TSHZ2: variants seen among roughly 807,000 people sequenced by gnomAD.
The protein encoded by TSHZ2 is teashirt homolog 2.
Under a neutral mutation model 74.4 loss-of-function variants are expected in TSHZ2, and 21 were observed. The ratio of observed to expected loss-of-function variants is 0.28; its 90% CI spans 0.20 to 0.41. The LOEUF (loss-of-function observed/expected upper bound fraction) is 0.41. Among genes scored for constraint, TSHZ2 ranks in the 10% least tolerant of loss-of-function variants. The pLI is 1.00. For synonymous variants in TSHZ2, 540 were observed against 515.3 expected (o/e 1.05, Z -0.65); for missense variants, 1,244 against 1,293.5 (o/e 0.96, Z 0.59).
At chr20:53,402,580 G>GA (rs987164608) in intron 2 of TSHZ2, among the ~76,000 whole-genome samples, 8 of 152,262 alleles carry the variant, frequency 5.3e-5, no homozygotes, top group East Asian at 1.9e-4. Context: ...TCATTTCTAT[G>GA]AAAAAAAGCA....
intron 1 of TSHZ2, among the ~76,000 whole-genome samples, chr20:52,995,652 G>A (rs148666055): frequency 0.015 from 2,067 of 141,500 alleles, 18 homozygotes; most frequent in Middle Eastern, 0.03. Flanking sequence ...TCGCTCTGTC[G>A]CCCAGGCTGG....
chr20:53,380,529 C>T (rs964559800), intron 2 of TSHZ2, among the ~76,000 whole-genome samples: 19 of 152,164 alleles, frequency 1.2e-4, no homozygotes, highest in African/African-American at 4.3e-4. Context: ...TGTTCTATAG[C>T]ACAGCTAGGA....
At chr20:53,059,221 A>T (rs6126741) in intron 1 of TSHZ2, among the ~76,000 whole-genome samples, 84,763 of 152,038 alleles carry the variant, frequency 0.56, 25,729 homozygotes, top group African/African-American at 0.81. Flanking sequence ...TGAACAAATT[A>T]GTGAGACTTT....
At chr20:53,249,744 G>C (rs998507149) in intron 1 of TSHZ2, among the ~76,000 whole-genome samples, 6 of 152,204 alleles carry the variant, frequency 3.9e-5, no homozygotes, top group Non-Finnish European at 8.8e-5. Flanking sequence ...GATGAGAGAG[G>C]GGCAGGGAGG....
At chr20:53,059,087 G>A (rs2123159927) in intron 1 of TSHZ2, among the ~76,000 whole-genome samples, 3 of 152,264 alleles carry the variant, frequency 2.0e-5, no homozygotes, top group Middle Eastern at 6.8e-3. Flanking sequence ...CTGTAAATGT[G>A]AGTAGTCTTG....
intron 2 of TSHZ2, among the ~76,000 whole-genome samples, chr20:53,391,711 G>A (rs907384391): frequency 6.6e-6 from 1 of 152,194 alleles, no homozygotes; most frequent in Admixed American, 6.5e-5. Context: ...GGGAGGCTGA[G>A]GTGGGTGGAT....
chr20:52,989,013 G>C (rs1289965146), intron 1 of TSHZ2, among the ~76,000 whole-genome samples: 1 of 152,030 alleles, frequency 6.6e-6, no homozygotes, highest in Non-Finnish European at 1.5e-5. Context: ...AAGATGTCTT[G>C]TATTTGTATT....
chr20:53,410,731 A>G (rs1983027684), intron 2 of TSHZ2, among the ~76,000 whole-genome samples: 1 of 149,044 alleles, frequency 6.7e-6, no homozygotes, highest in South Asian at 2.1e-4. Context: ...GTTGGAGTGC[A>G]GTGGAACTAT....
intron 1 of TSHZ2, among the ~76,000 whole-genome samples, chr20:53,177,904 T>C (rs1383541256): frequency 6.6e-6 from 1 of 152,148 alleles, no homozygotes; most frequent in African/African-American, 2.4e-5. Flanking sequence ...AAAATGGGGA[T>C]CACAGTATCT....
At chr20:53,120,172 A>G (rs1015581134) in intron 1 of TSHZ2, among the ~76,000 whole-genome samples, 2 of 152,206 alleles carry the variant, frequency 1.3e-5, no homozygotes, top group African/African-American at 4.8e-5. Context: ...TCCACATGGA[A>G]TGAGCATGAA....
intron 1 of TSHZ2, among the ~76,000 whole-genome samples, chr20:53,134,706 G>C (rs1987197429): frequency 6.6e-6 from 1 of 152,146 alleles, no homozygotes; most frequent in Admixed American, 6.5e-5. Context: ...GCACTCACAT[G>C]TTACATAATT....
At chr20:53,482,034 G>A (rs1986162190) in intron 2 of TSHZ2, among the ~76,000 whole-genome samples, 1 of 145,438 alleles carries the variant, frequency 6.9e-6, no homozygotes, top group South Asian at 2.3e-4. Flanking sequence ...AATCCGGGAG[G>A]TAGAAGTTGC....
chr20:53,469,301 T>A (rs192680843), intron 2 of TSHZ2, among the ~76,000 whole-genome samples: 103 of 151,820 alleles, frequency 6.8e-4, no homozygotes, highest in African/African-American at 1.7e-3. Flanking sequence ...CCCCACACTC[T>A]GGGAGGCTGA....
chr20:53,401,778 T>C (rs1443002060), intron 2 of TSHZ2, among the ~76,000 whole-genome samples: 1 of 143,034 alleles, frequency 7.0e-6, no homozygotes, highest in Non-Finnish European at 1.5e-5. Context: ...CATTTTCTTT[T>C]TTTTTTTTTT....
chr20:53,254,992 G>C lies in TSHZ2; in HGVS notation c.1534G>C (p.Gly512Arg), dbSNP rs769107602. ...GGAAGACTTGGAAGATGGCTCAAAG[G>C]GTGGAGGGGACATTTTGAAATCTTT... ...REEDLEDGSK[G>R]GGDILKSLEN... Residue 512 changes from glycine to arginine, a missense_variant, in exon 2 of 3, where the codon GGT becomes CGT. Gly to Arg is a moderately radical substitution (Grantham distance 125, BLOSUM62 -2). Coordinates refer to ENST00000371497, the MANE Select transcript of TSHZ2 (RefSeq NM_173485.6). The C allele has an allele frequency of 1.2e-6, 2 of 1,614,010 alleles. No homozygotes were observed. The highest frequency in any genetic ancestry group is 1.7e-6 in the Non-Finnish European group (2 of 1,180,038).
rs1301050319 is a variant in TSHZ2, at chr20:53,458,869, G to A, written c.*9-28275G>A. On this transcript the variant is annotated intron_variant, in intron 2 of 2. Transcript: ENST00000371497. ...TTGTTCAGTTTCCATGTAGTTGAGCGGTTTTGAGTGAGATTCTTAATCCTG... is the reference window on the plus strand; with the variant it reads ...TTGTTCAGTTTCCATGTAGTTGAGCAGTTTTGAGTGAGATTCTTAATCCTG... Among the ~76,000 whole-genome samples the A allele has an allele frequency of 8.7e-3, 1,326 of 151,942 alleles. 10 individuals carry two copies. The highest frequency in any genetic ancestry group is 0.031 in the African/African-American group (1,263 of 41,394).
chr20:53,463,435 G>GAAGGAAGGAAGAAAGA (rs11283137), intron 2 of TSHZ2, among the ~76,000 whole-genome samples: 1 of 114,254 alleles, frequency 8.8e-6, no homozygotes, highest in Non-Finnish European at 1.8e-5. Flanking sequence ...AGGAAGGAAG[G>GAAGGAAGGAAGAAAGA]AGGGAGGGAG....
intron 1 of TSHZ2, among the ~76,000 whole-genome samples, chr20:53,251,818 A>G (rs913938254): frequency 2.0e-5 from 3 of 152,200 alleles, no homozygotes; most frequent in African/African-American, 7.2e-5. Flanking sequence ...TGACATTTCA[A>G]TGAAATTCCA....
intron 1 of TSHZ2, among the ~76,000 whole-genome samples, chr20:53,232,558 T>A (rs1344821699): frequency 6.6e-6 from 1 of 152,182 alleles, no homozygotes; most frequent in Non-Finnish European, 1.5e-5. Context: ...AATCATTAAG[T>A]AAGAACGTTA....
Sources: gnomAD v4.1 joint callset for allele counts (sites outside exome capture counted in the v4.1 genomes callset) on GRCh38, gnomAD v4.1.1 for gene constraint, MANE v1.5 for transcripts, NCBI Gene and HGNC (gene_info 2026-07-23, HGNC 2026-07-21) for gene names.